The following CYTH3 variants were observed in gnomAD, a reference collection of about 807,000 sequenced individuals.
CYTH3 encodes the protein cytohesin 3.
A neutral mutation model predicts 55.1 loss-of-function variants in CYTH3; 23 were observed. The ratio of observed to expected loss-of-function variants is 0.42; its 90% CI spans 0.30 to 0.59. The LOEUF (loss-of-function observed/expected upper bound fraction) is 0.59, where lower values mean the gene tolerates loss of function less well. Ranked by LOEUF, CYTH3 falls within the 20% of genes least tolerant of loss-of-function variation. The pLI, the probability that CYTH3 is intolerant of heterozygous loss-of-function variation, is 0.20. For missense variants in CYTH3, 413 were observed against 524.8 expected (o/e 0.79, Z 2.08); for synonymous variants, 249 against 194.9 (o/e 1.28, Z -2.31).
rs1451693966 is a variant in CYTH3, at chr7:6,232,991, A to C, written c.34+39483T>G. ...TTGGCTCAGTTGAAACCACTCTACC[A>C]CTTCTACTCTCTTACTTCTACAGTC... On this transcript the variant is annotated intron_variant, in intron 1 of 12. Coordinates refer to ENST00000350796, the MANE Select transcript of CYTH3 (RefSeq NM_004227.4). 8.6e-5 allele frequency among the ~76,000 whole-genome samples: 13 copies of C among 151,676 alleles called. 1 individual carries two copies. The highest frequency in any genetic ancestry group is 8.5e-4 in the Admixed American group (13 of 15,228).
At chr7:6,218,585 A>T (rs1254035413) in intron 1 of CYTH3, among the ~76,000 whole-genome samples, 2 of 152,226 alleles carry the variant, frequency 1.3e-5, no homozygotes, top group Non-Finnish European at 2.9e-5. Flanking sequence ...GGGTGCAGCT[A>T]TAACAAATAC....
At position 6,198,821 on chromosome 7, in the gene CYTH3, T is replaced by A. The variant is rs528230700; in HGVS notation, c.35-8290A>T. ...TTAACTGGAAATCACTGGTCTGGCA[T>A]GAAATCTCTAAAGCTGGTTGAATGC... On this transcript the variant is annotated intron_variant, in intron 1 of 12. Transcript: ENST00000350796. 4.0e-5 allele frequency among the ~76,000 whole-genome samples: 6 copies of A among 150,346 alleles called. No individual in the cohort carries two copies. The East Asian group carries it at 1.2e-3, about 29-fold the overall frequency.
At chr7:6,222,331 A>C (rs1784570674) in intron 1 of CYTH3, among the ~76,000 whole-genome samples, 1 of 152,210 alleles carries the variant, frequency 6.6e-6, no homozygotes, top group Non-Finnish European at 1.5e-5. Flanking sequence ...TCTGTTCTCA[A>C]GGCAAGTGCC....
chr7:6,213,049 G>A (rs781041313), intron 1 of CYTH3, among the ~76,000 whole-genome samples: 2 of 152,124 alleles, frequency 1.3e-5, no homozygotes, highest in Non-Finnish European at 2.9e-5. Flanking sequence ...GTAGCATCCC[G>A]CTGACTTATT....
rs1562871488 is a variant in CYTH3 at position 6,164,666 on chromosome 7, G to A, written c.*278C>T. ...AGGAAGGAAATGCTTCTGGACATGC[G>A]CAGCCGACCATGACCCCAGCCACGG... is the stretch of plus-strand genomic sequence containing the variant. On this transcript the variant is annotated 3_prime_UTR_variant, in exon 13 of 13. Coordinates refer to ENST00000350796, the MANE Select transcript of CYTH3 (RefSeq NM_004227.4). 1.0e-5 allele frequency: 5 copies of A among 496,122 alleles called. No homozygotes were observed. The highest frequency in any genetic ancestry group is 5.0e-5 in the South Asian group (2 of 40,382). The allele number at this position is 496,122 out of a possible 1,614,324, so 30.7% of individuals were successfully genotyped here. A position where few individuals can be genotyped will look rare whatever the true frequency, so the allele number is the denominator to read the frequency against.
intron 1 of CYTH3, among the ~76,000 whole-genome samples, chr7:6,264,540 A>C (rs1461563841): frequency 6.6e-6 from 1 of 152,182 alleles, no homozygotes; most frequent in African/African-American, 2.4e-5. Context: ...TGCACCCAGG[A>C]GATGGAGATT....
At chr7:6,188,614 C>A (rs557607699) in intron 2 of CYTH3, 54 of 152,416 alleles carry the variant, frequency 3.5e-4, no homozygotes, top group African/African-American at 1.3e-3. Context: ...CGGGGGTGAA[C>A]AGAACTGACT....
chr7:6,209,087 A>G (rs1321705557), intron 1 of CYTH3, among the ~76,000 whole-genome samples: 3 of 152,242 alleles, frequency 2.0e-5, no homozygotes, highest in African/African-American at 7.2e-5. Context: ...CAACAGATAG[A>G]GAGGCAATGT....
chr7:6,207,174 A>C (rs1023480410), intron 1 of CYTH3, among the ~76,000 whole-genome samples: 1 of 139,506 alleles, frequency 7.2e-6, no homozygotes, highest in East Asian at 2.2e-4. Context: ...GGCTCACTGC[A>C]AGCTCCACCT....
In CYTH3 at chr7:6,171,039, G is replaced by A. The variant is rs971747129; in HGVS notation, c.563-61C>T. ...CCTCCAGTGGACAGTGGGACCCCGC[G>A]TGCTGGGGGCCCGCCTGCAAGAGGT... is the stretch of plus-strand genomic sequence containing the variant. On this transcript the variant is annotated intron_variant, in intron 7 of 12. Transcript: ENST00000350796. The surrounding 1 kb of genome is among the most constrained non-coding windows in gnomAD (Gnocchi z 6.7). 1 of 1,601,520 alleles carries A rather than the reference G, an allele frequency of 6.2e-7. No individual in the cohort carries two copies. The highest frequency in any genetic ancestry group is 1.3e-5 in the African/African-American group (1 of 74,820).
intron 1 of CYTH3, among the ~76,000 whole-genome samples, chr7:6,197,962 C>T (rs1166680448): frequency 2.0e-5 from 3 of 152,040 alleles, no homozygotes; most frequent in Non-Finnish European, 4.4e-5. Context: ...AGACATGTCA[C>T]GCATGCCCAC....
intron 1 of CYTH3, among the ~76,000 whole-genome samples, chr7:6,252,750 T>C (rs1780007350): frequency 6.6e-6 from 1 of 152,232 alleles, no homozygotes; most frequent in Admixed American, 6.5e-5. Flanking sequence ...AGGTTTAGTC[T>C]TCATCCAAGG....
intron 1 of CYTH3, among the ~76,000 whole-genome samples, chr7:6,250,355 G>A (rs952988560): frequency 2.6e-5 from 4 of 152,110 alleles, no homozygotes; most frequent in Admixed American, 6.5e-5. Context: ...CTTTTCAATA[G>A]GAAGAAAACA....
intron 1 of CYTH3, among the ~76,000 whole-genome samples, chr7:6,266,924 G>A (rs932049147): frequency 2.6e-5 from 4 of 152,140 alleles, no homozygotes; most frequent in South Asian, 4.1e-4. Context: ...TATATGCCCC[G>A]CCCAAATCTC....
Position 6,208,084 on chromosome 7 carries a change from T to C in CYTH3, c.35-17553A>G, listed in dbSNP as rs1388889992. 3.9e-5 allele frequency among the ~76,000 whole-genome samples: 6 copies of C among 152,212 alleles called. No individual in the cohort carries two copies. The East Asian group carries it at 5.8e-4, about 15-fold the overall frequency. On this transcript the variant is annotated intron_variant, in intron 1 of 12. Coordinates refer to ENST00000350796, the MANE Select transcript of CYTH3 (RefSeq NM_004227.4). ...TACCTTAGGTATATATATCTATCTA[T>C]TGCTTCTCAGACTTTTGGCTAAGAT...
rs757560968 is a variant in CYTH3, at chr7:6,163,018, A to G, written c.*1926T>C. 3 of 152,676 alleles carry G rather than the reference A, an allele frequency of 2.0e-5. No homozygotes were observed. Among genetic ancestry groups the G allele is most frequent in the Non-Finnish European group, 4.4e-5 (3 of 68,060 alleles). 9.5% of individuals were successfully genotyped at this position (152,676 alleles called of 1,614,324 possible). A position where few individuals can be genotyped will look rare whatever the true frequency, so the allele number is the denominator to read the frequency against. ...GACTGGAGGCCAGAGTTGCATATCT[A>G]CCAGTCAGGCATTTCAAGAACGCTG... On this transcript the variant is annotated 3_prime_UTR_variant, in exon 13 of 13. Transcript: ENST00000350796.
intron 1 of CYTH3, among the ~76,000 whole-genome samples, chr7:6,223,990 C>T (rs1308586612): frequency 6.6e-6 from 1 of 152,056 alleles, no homozygotes; most frequent in Non-Finnish European, 1.5e-5. Flanking sequence ...TCTGCTTCCA[C>T]ATATATAATC....
intron 1 of CYTH3, among the ~76,000 whole-genome samples, chr7:6,260,387 G>A (rs1780322605): frequency 6.6e-6 from 1 of 152,098 alleles, no homozygotes; most frequent in Non-Finnish European, 1.5e-5. Flanking sequence ...AAACTTCCTT[G>A]AGAAGTATTT....
intron 9 of CYTH3, 22 bp from the exon 10 acceptor site, chr7:6,165,832 G>A: frequency 6.2e-6 from 10 of 1,613,434 alleles, no homozygotes; most frequent in East Asian, 4.5e-5. Flanking sequence ...AGGGCCCCGT[G>A]AGTCTGCGCT....
Sources: allele counts gnomAD v4.1 joint callset (sites outside exome capture counted in the v4.1 genomes callset), GRCh38; gene constraint gnomAD v4.1.1; non-coding constraint Gnocchi (gnomAD v3.1); transcripts MANE v1.5; gene names NCBI Gene and HGNC (gene_info 2026-07-23, HGNC 2026-07-21).